The following KIF5C variants were observed in gnomAD, a reference collection of about 807,000 sequenced individuals.
KIF5C encodes the protein kinesin heavy chain isoform 5C.
KIF5C carries 18 observed loss-of-function variants against 125.2 expected under a neutral mutation model. The observed-to-expected ratio is 0.14, with a 90% CI of 0.10 to 0.21. The LOEUF is 0.21. Among genes scored for constraint, KIF5C ranks in the 10% least tolerant of loss-of-function variants. KIF5C has a pLI of 1.00. For missense variants in KIF5C, 780 were observed against 1,183.8 expected (o/e 0.66, Z 5.01); for synonymous variants, 405 against 434.0 (o/e 0.93, Z 0.83).
At chr2:148,951,949 C>T (rs1413650762) in intron 10 of KIF5C, among the ~76,000 whole-genome samples, 6 of 152,146 alleles carry the variant, frequency 3.9e-5, no homozygotes, top group Admixed American at 1.3e-4. Flanking sequence ...ATTACACAGC[C>T]GTGGCACCTG....
intron 13 of KIF5C, 69 bp downstream of exon 13, chr2:148,979,059 C>G: frequency 7.0e-7 from 1 of 1,420,134 alleles, no homozygotes. Flanking sequence ...ATGTTTGTTC[C>G]AGGAATTTAA....
intron 19 of KIF5C, chr2:149,000,078 A>G (rs553825458): frequency 1.9e-4 from 37 of 197,770 alleles, no homozygotes; most frequent in African/African-American, 8.5e-4. Flanking sequence ...ACTGCATGCC[A>G]TCCGAGGGGC....
In KIF5C at chr2:148,981,480, C is replaced by G; in HGVS notation, c.1488C>G (p.Val496=). The G allele has an allele frequency of 6.2e-7, 1 of 1,607,674 alleles. No homozygotes were observed. ...EVLQALEELA[V]NYDQKSQEVE... is the part of the protein sequence containing the mutation. ...TCCAGGCCCTGGAGGAGCTGGCTGT[C>G]AATTATGACCAGAAATCACAGGAAG... The change falls in exon 14 of 26, where the codon GTC becomes GTG. Residue 496 remains valine, a synonymous_variant. Coordinates refer to ENST00000435030, the MANE Select transcript of KIF5C (RefSeq NM_004522.3).
At position 148,913,857 on chromosome 2, in the gene KIF5C, T is replaced by A. The variant is rs190753511; in HGVS notation, c.127-8280T>A. Among the ~76,000 whole-genome samples the A allele has an allele frequency of 2.6e-5, 4 of 152,230 alleles. No individual in the cohort carries two copies. The East Asian group carries it at 7.7e-4, about 29-fold the overall frequency. On this transcript the variant is annotated intron_variant, in intron 1 of 25. Transcript: ENST00000435030. Reference sequence around the variant, plus strand: ...AATGGCTTTTTCACCTCCCATCCAGTGAAGAAGGTTTGTTTTTTTTTTCTT... The same window carrying A: ...AATGGCTTTTTCACCTCCCATCCAGAGAAGAAGGTTTGTTTTTTTTTTCTT...
chr2:148,942,985 A>G (rs1310615362), intron 7 of KIF5C, among the ~76,000 whole-genome samples: 1 of 152,172 alleles, frequency 6.6e-6, no homozygotes, highest in Non-Finnish European at 1.5e-5. Context: ...TCTTGGAGAT[A>G]TTGGGTGAGA....
chr2:149,003,798 G>A (rs947593611), intron 21 of KIF5C, among the ~76,000 whole-genome samples: 2 of 152,220 alleles, frequency 1.3e-5, no homozygotes, highest in African/African-American at 4.8e-5. Flanking sequence ...TCTATATTTA[G>A]TATTTACACC....
At chr2:148,954,505 C>T (rs917329925) in intron 10 of KIF5C, among the ~76,000 whole-genome samples, 9 of 152,142 alleles carry the variant, frequency 5.9e-5, no homozygotes, top group African/African-American at 1.9e-4. Context: ...TTTAATGTAC[C>T]TTGATTTGGG....
In KIF5C at chr2:149,025,879, C is replaced by T. The variant is rs779607516; in HGVS notation, c.*2809C>T. On this transcript the variant is annotated 3_prime_UTR_variant, in exon 26 of 26. Transcript: ENST00000435030. ...TGCACACTTTGCTTTTGTTAAACAG[C>T]AGGTAGTAGACAGAACAATAACAGT... 2.0e-5 allele frequency: 3 copies of T among 152,560 alleles called. No individual in the cohort carries two copies. Among genetic ancestry groups the T allele is most frequent in the Non-Finnish European group, 4.4e-5 (3 of 68,010 alleles). 9.5% of individuals were successfully genotyped at this position (152,560 alleles called of 1,614,324 possible). A position where few individuals can be genotyped will look rare whatever the true frequency, so the allele number is the denominator to read the frequency against.
At chr2:148,974,385 A>G (rs772171998) in intron 12 of KIF5C, among the ~76,000 whole-genome samples, 2 of 152,188 alleles carry the variant, frequency 1.3e-5, no homozygotes, top group African/African-American at 2.4e-5. Context: ...CTTGCCATTA[A>G]TCTTACAGGC....
intron 12 of KIF5C, among the ~76,000 whole-genome samples, chr2:148,976,627 T>G (rs1442186139): frequency 1.3e-5 from 2 of 151,046 alleles, no homozygotes; most frequent in Admixed American, 6.6e-5. Flanking sequence ...CAGACTAGAG[T>G]GCAGTGGTGA....
chr2:148,952,731 TC>T (rs1682695308), intron 10 of KIF5C, among the ~76,000 whole-genome samples: 2 of 152,174 alleles, frequency 1.3e-5, no homozygotes, highest in Admixed American at 1.3e-4. Flanking sequence ...ATGCCTACTT[TC>T]AAGAATATTG....
Position 148,942,769 on chromosome 2 carries a change from G to C in KIF5C, c.589+9G>C, listed in dbSNP as rs1176495677. On this transcript the variant is annotated intron_variant, in intron 7 of 25. Transcript: ENST00000435030. ...ACACGTGGCTGTGACAAGTAAGCAT[G>C]GTGGGGGTGTTTCCTCCCCTGCAGC... The C allele has an allele frequency of 6.2e-7, 1 of 1,605,194 alleles. No individual in the cohort carries two copies. Among genetic ancestry groups the C allele is most frequent in the African/African-American group, 1.3e-5 (1 of 74,798 alleles).
intron 4 of KIF5C, among the ~76,000 whole-genome samples, chr2:148,938,288 A>G (rs897079896): frequency 1.3e-5 from 2 of 152,206 alleles, no homozygotes; most frequent in Admixed American, 1.3e-4. Context: ...AACAATTGAG[A>G]TATTGTTCAC....
chr2:148,893,388 C>T (rs559533757), intron 1 of KIF5C, among the ~76,000 whole-genome samples: 21 of 152,232 alleles, frequency 1.4e-4, no homozygotes, highest in Admixed American at 1.3e-4. Flanking sequence ...GCAAACCCCT[C>T]CACACTATGT....
intron 15 of KIF5C, among the ~76,000 whole-genome samples, chr2:148,986,040 G>A (rs926066148): frequency 1.5e-4 from 23 of 152,218 alleles, no homozygotes; most frequent in Non-Finnish European, 2.9e-4. Context: ...AATAAAATTC[G>A]ATGTGAGGTG....
chr2:148,982,390 A>G (rs1681259989), intron 14 of KIF5C, among the ~76,000 whole-genome samples: 1 of 152,220 alleles, frequency 6.6e-6, no homozygotes. Context: ...CTAACCTGCT[A>G]TCCTTAGCAC....
At chr2:149,016,767 G>T (rs887590330) in intron 25 of KIF5C, among the ~76,000 whole-genome samples, 20 of 152,210 alleles carry the variant, frequency 1.3e-4, no homozygotes, top group African/African-American at 4.8e-4. Flanking sequence ...GCCAGGGCTG[G>T]AGAGTTGTGA....
chr2:148,952,845 T>A (rs1682699364), intron 10 of KIF5C, among the ~76,000 whole-genome samples: 1 of 152,226 alleles, frequency 6.6e-6, no homozygotes, highest in African/African-American at 2.4e-5. Context: ...TGATTGCAAG[T>A]TCTGCTTTTC....
At position 148,965,684 on chromosome 2, in the gene KIF5C, G is replaced by A. The variant is rs537048581; in HGVS notation, c.1117+3565G>A. Among the ~76,000 whole-genome samples the A allele has an allele frequency of 2.6e-5, 4 of 152,274 alleles. No homozygotes were observed. In the South Asian group the frequency reaches 6.2e-4, roughly 24 times the overall value. On this transcript the variant is annotated intron_variant, in intron 11 of 25. Coordinates refer to ENST00000435030, the MANE Select transcript of KIF5C (RefSeq NM_004522.3). ...GCTTTTTGTTACATTCTGAGGCTGGGCATTTAATCCTCAAGTAGCTCTTGT... is the reference window on the plus strand; with the variant it reads ...GCTTTTTGTTACATTCTGAGGCTGGACATTTAATCCTCAAGTAGCTCTTGT...
Sources: gnomAD v4.1 joint callset for allele counts (sites outside exome capture counted in the v4.1 genomes callset) on GRCh38, gnomAD v4.1.1 for gene constraint, MANE v1.5 for transcripts, NCBI Gene and HGNC (gene_info 2026-07-23, HGNC 2026-07-21) for gene names.